The following CACNG5 variants were observed in gnomAD, a reference collection of about 807,000 sequenced individuals.
CACNG5 encodes calcium voltage-gated channel auxiliary subunit gamma 5, also known as voltage-dependent calcium channel gamma-5 subunit.
A neutral mutation model predicts 24.8 loss-of-function variants in CACNG5; 18 were observed. The ratio of observed to expected loss-of-function variants is 0.73; its 90% confidence interval spans 0.50 to 1.08. CACNG5 has a LOEUF of 1.08. Among genes scored for constraint, CACNG5 ranks in the 50% least tolerant of loss-of-function variants. The pLI is 0.00. For missense variants in CACNG5, 349 were observed against 367.9 expected (o/e 0.95, Z 0.42); for synonymous variants, 157 against 149.1 (o/e 1.05, Z -0.39).
Position 66,885,163 on chromosome 17 carries a change from T to C in CACNG5, c.751T>C (p.Ser251Pro), listed in dbSNP as rs762806312. ...CCCCTCCGACATCTCCAGCGAGGCC[T>C]CCCTGCAGATGAACAGCAACTACCC... ...RSPSDISSEASLQMNSNYPAL... is the reference protein window; with the variant it reads ...RSPSDISSEAPLQMNSNYPAL... Residue 251 changes from serine to proline, a missense_variant, in exon 6 of 6, where the codon TCC (serine) becomes CCC (proline). Coordinates refer to ENST00000533854, the MANE Select transcript of CACNG5 (RefSeq NM_145811.3). The C allele has an allele frequency of 8.7e-6, 14 of 1,612,866 alleles. No individual in the cohort carries two copies. The highest frequency in any genetic ancestry group is 1.2e-5 in the Non-Finnish European group (14 of 1,179,954).
chr17:66,848,228 C>A (rs1052960955), intron 1 of CACNG5, among the ~76,000 whole-genome samples: 30 of 152,330 alleles, frequency 2.0e-4, no homozygotes, highest in African/African-American at 7.2e-4. Context: ...TCCTGAGGGA[C>A]GTTGCTCCAT....
chr17:66,884,843 C>T, intron 5 of CACNG5, 140 bp from the exon 6 acceptor site: 1 of 1,613,332 alleles, frequency 6.2e-7, no homozygotes, highest in East Asian at 2.2e-5. Context: ...TCTCCTCCGG[C>T]CAGGATGTCC....
At position 66,886,786 on chromosome 17, in the gene CACNG5, C is replaced by T. The variant is rs879221534; in HGVS notation, c.*1546C>T. ...ACCACAGACTGAGTGGCTTAAATAACGCACATGAATTTTCCTACAGTTCTG... is the reference window on the plus strand; with the variant it reads ...ACCACAGACTGAGTGGCTTAAATAATGCACATGAATTTTCCTACAGTTCTG... On this transcript the variant is annotated 3_prime_UTR_variant, in exon 6 of 6. Transcript: ENST00000533854. Among the ~76,000 whole-genome samples, 7 of 152,288 alleles carry T rather than the reference C, an allele frequency of 4.6e-5. No homozygotes were observed. The highest frequency in any genetic ancestry group is 1.7e-4 in the African/African-American group (7 of 41,554).
At chr17:66,860,587 A>G (rs1410961909) in intron 1 of CACNG5, among the ~76,000 whole-genome samples, 5 of 152,098 alleles carry the variant, frequency 3.3e-5, no homozygotes, top group Non-Finnish European at 4.4e-5. Flanking sequence ...AATACCCCAG[A>G]TAAACAGAAA....
In CACNG5 at chr17:66,884,877, C is replaced by T. The variant is rs762294385; in HGVS notation, c.571-106C>T. ...CCCCAGGACCCTGCTCCTGTCCCCACGTCCACTTCCCACCCCACTCGAGCT... is the reference window on the plus strand; with the variant it reads ...CCCCAGGACCCTGCTCCTGTCCCCATGTCCACTTCCCACCCCACTCGAGCT... On this transcript the variant is annotated intron_variant, in intron 5 of 5. Coordinates refer to ENST00000533854, the MANE Select transcript of CACNG5 (RefSeq NM_145811.3). 6.1e-5 allele frequency: 99 copies of T among 1,613,516 alleles called. 1 individual carries two copies. Among genetic ancestry groups the T allele is most frequent in the South Asian group, 5.1e-4 (46 of 90,436 alleles).
In CACNG5 at chr17:66,874,586, C is replaced by A. The variant is rs1414411339; in HGVS notation, c.-103-2644C>A. Reference sequence around the variant, plus strand: ...CTAATCCAGTCTTCGAGGGTGAGAACTCACCACCATGAAAACAGCACCAAG... The same window carrying A: ...CTAATCCAGTCTTCGAGGGTGAGAAATCACCACCATGAAAACAGCACCAAG... On this transcript the variant is annotated intron_variant, in intron 1 of 5. Transcript: ENST00000533854. Among the ~76,000 whole-genome samples the A allele has an allele frequency of 5.3e-5, 8 of 152,200 alleles. 1 individual carries two copies. The highest frequency in any genetic ancestry group is 1.9e-4 in the African/African-American group (8 of 41,448).
intron 1 of CACNG5, among the ~76,000 whole-genome samples, chr17:66,849,172 A>G (rs927920465): frequency 2.0e-5 from 3 of 152,220 alleles, no homozygotes; most frequent in Non-Finnish European, 4.4e-5. Flanking sequence ...GGCAGAATAC[A>G]GAGACATCAT....
chr17:66,843,817 C>T (rs536026924), intron 1 of CACNG5, among the ~76,000 whole-genome samples: 8 of 152,100 alleles, frequency 5.3e-5, no homozygotes, highest in African/African-American at 1.4e-4. Flanking sequence ...TGGGGGGAGG[C>T]AGGAACCACT....
At chr17:66,876,369 G>A (rs1977077542) in intron 1 of CACNG5, among the ~76,000 whole-genome samples, 1 of 152,158 alleles carries the variant, frequency 6.6e-6, no homozygotes, top group Non-Finnish European at 1.5e-5. Context: ...ACTGGCTATG[G>A]GCTCCACGGG....
chr17:66,881,065 CA>C (rs1281085066), intron 4 of CACNG5, among the ~76,000 whole-genome samples: 3 of 152,178 alleles, frequency 2.0e-5, no homozygotes, highest in Non-Finnish European at 2.9e-5. Context: ...GTTTAACTCC[CA>C]AAAGGCTCTG....
rs142466140 is a variant in CACNG5, at chr17:66,893,181, C to T, written c.*7941C>T. Reference sequence around the variant, plus strand: ...TGCTCTGCAAGTCCTGTTTCAAGTGCACCCCCAAGAGCATGGCACCTACAG... The same window carrying T: ...TGCTCTGCAAGTCCTGTTTCAAGTGTACCCCCAAGAGCATGGCACCTACAG... On this transcript the variant is annotated 3_prime_UTR_variant, in exon 6 of 6. Coordinates refer to ENST00000533854, the MANE Select transcript of CACNG5 (RefSeq NM_145811.3). Among the ~76,000 whole-genome samples the T allele has an allele frequency of 3.9e-5, 6 of 152,208 alleles. No individual in the cohort carries two copies. In the East Asian group the frequency reaches 1.2e-3, roughly 29 times the overall value.
chr17:66,871,791 C>T (rs1187248739), intron 1 of CACNG5, among the ~76,000 whole-genome samples: 1 of 150,746 alleles, frequency 6.6e-6, no homozygotes, highest in Non-Finnish European at 1.5e-5. Flanking sequence ...ACCTGGGAGG[C>T]GGAGCTTGCA....
rs761317130 is a variant in CACNG5, at chr17:66,884,606, A to T, written c.515A>T (p.Asn172Ile). ...ACCAAGGATGCAGAGACCTACTTCA[A>T]CTACAAGTATGGGTGGTCGTTTGCC... is the stretch of plus-strand genomic sequence containing the variant. ...NRTKDAETYF[N>I]YKYGWSFAFA... is the part of the protein sequence containing the mutation. The change falls in exon 5 of 6, where the codon AAC becomes ATC. Residue 172 changes from asparagine (N) to isoleucine (I), a missense_variant. Coordinates refer to ENST00000533854, the MANE Select transcript of CACNG5 (RefSeq NM_145811.3). 1 of 1,613,996 alleles carries T rather than the reference A, an allele frequency of 6.2e-7. No homozygotes were observed.
intron 1 of CACNG5, among the ~76,000 whole-genome samples, chr17:66,865,888 A>T (rs111376287): frequency 0.12 from 17,600 of 148,282 alleles, 1,116 homozygotes; most frequent in Admixed American, 0.15. Context: ...TGATCCACCC[A>T]CCTCAGCCTC....
rs146224773 is a variant in CACNG5, at chr17:66,888,457, T to A, written c.*3217T>A. 0.081 allele frequency among the ~76,000 whole-genome samples: 11,532 copies of A among 141,698 alleles called. 782 individuals carry two copies. Among genetic ancestry groups the A allele is most frequent in the African/African-American group, 0.2 (7,586 of 38,064 alleles). 93.0% of individuals were successfully genotyped at this position (141,698 alleles called of 152,430 possible). ...TACTTGGGAGGCTGAAGCAGGAGAATGGCGTGAACCTGGGAGGCAGAGCTT... is the reference window on the plus strand; with the variant it reads ...TACTTGGGAGGCTGAAGCAGGAGAAAGGCGTGAACCTGGGAGGCAGAGCTT... On this transcript the variant is annotated 3_prime_UTR_variant, in exon 6 of 6. Coordinates refer to ENST00000533854, the MANE Select transcript of CACNG5 (RefSeq NM_145811.3).
rs780749267 is a variant in CACNG5 at position 66,890,207 on chromosome 17, T to G, written c.*4967T>G. Among the ~76,000 whole-genome samples, 1 of 152,230 alleles carries G rather than the reference T, an allele frequency of 6.6e-6. No individual in the cohort carries two copies. Among genetic ancestry groups the G allele is most frequent in the Non-Finnish European group, 1.5e-5 (1 of 68,028 alleles). ...CCTGTGCCTGAGGCCCGGCTAGCAC[T>G]GTGAGTGTGGGTTCATCCATGGTAG... On this transcript the variant is annotated 3_prime_UTR_variant, in exon 6 of 6. Transcript: ENST00000533854.
chr17:66,882,194 C>T (rs1450458029), intron 4 of CACNG5, among the ~76,000 whole-genome samples: 2 of 152,092 alleles, frequency 1.3e-5, no homozygotes, highest in Non-Finnish European at 2.9e-5. Flanking sequence ...CTCAACAGAA[C>T]TAGGATGAGG....
intron 1 of CACNG5, among the ~76,000 whole-genome samples, chr17:66,860,159 A>G (rs546057688): frequency 6.6e-6 from 1 of 152,236 alleles, no homozygotes; most frequent in South Asian, 2.1e-4. Flanking sequence ...CCAGGCTGAG[A>G]GGTGAATGAG....
At chr17:66,845,473 A>AC (rs1976626550) in intron 1 of CACNG5, among the ~76,000 whole-genome samples, 1 of 150,898 alleles carries the variant, frequency 6.6e-6, no homozygotes, top group Admixed American at 6.6e-5. Context: ...AAAAAAAAAA[A>AC]CAAAAAACTA....
Sources: allele counts gnomAD v4.1 joint callset (sites outside exome capture counted in the v4.1 genomes callset), GRCh38; gene constraint gnomAD v4.1.1; transcripts MANE v1.5; gene names NCBI Gene and HGNC (gene_info 2026-07-23, HGNC 2026-07-21).